Variants in DAPK1 observed in about 807,000 individuals in gnomAD.
DAPK1 encodes death associated protein kinase 1.
A neutral mutation model predicts 144.9 loss-of-function variants in DAPK1; 56 were observed. The observed-to-expected ratio is 0.39, with a 90% confidence interval of 0.31 to 0.48. The LOEUF is 0.48. Among genes scored for constraint, DAPK1 ranks in the 20% least tolerant of loss-of-function variants. The probability of loss-of-function intolerance (pLI) is 0.95; values close to 1 mark genes in which losing one functional copy is unlikely to be tolerated. For missense variants in DAPK1, 1,454 were observed against 1,875.4 expected (o/e 0.78, Z 4.15); for synonymous variants, 690 against 749.0 (o/e 0.92, Z 1.29).
At chr9:87,653,096 G>A (rs570398123) in intron 17 of DAPK1, among the ~76,000 whole-genome samples, 44 of 144,054 alleles carry the variant, frequency 3.1e-4, no homozygotes, top group African/African-American at 1.0e-3. Context: ...CCATCCCCCC[G>A]ATCCCGGGTC....
chr9:87,701,722 T>G, intron 24 of DAPK1: 1 of 30,876 alleles, frequency 3.2e-5, no homozygotes, highest in Non-Finnish European at 8.7e-5. Context: ...CTGGGTGTAT[T>G]TTTTTTTTTT....
At chr9:87,502,282 C>T (rs921761062) in intron 2 of DAPK1, among the ~76,000 whole-genome samples, 2 of 152,052 alleles carry the variant, frequency 1.3e-5, no homozygotes, top group Admixed American at 1.3e-4. Flanking sequence ...AGCAGATGCA[C>T]TTGTTATCTT....
intron 2 of DAPK1, among the ~76,000 whole-genome samples, chr9:87,561,626 A>G (rs935051485): frequency 6.6e-6 from 1 of 152,138 alleles, no homozygotes; most frequent in African/African-American, 2.4e-5. Context: ...TTAACTTCCC[A>G]TTGAATAAAG....
chr9:87,566,808 G>C (rs1827143238), intron 2 of DAPK1, among the ~76,000 whole-genome samples: 1 of 152,178 alleles, frequency 6.6e-6, no homozygotes, highest in African/African-American at 2.4e-5. Flanking sequence ...CTAACAAGCT[G>C]GTCATCTCAG....
At chr9:87,583,204 T>C (rs1827814684) in intron 2 of DAPK1, among the ~76,000 whole-genome samples, 1 of 152,142 alleles carries the variant, frequency 6.6e-6, no homozygotes, top group African/African-American at 2.4e-5. Flanking sequence ...TTATTACAGA[T>C]TCCCCCTTTA....
At chr9:87,702,983 C>A (rs1825508966) in intron 24 of DAPK1, 46 bp from the exon 25 acceptor site, 1 of 914,558 alleles carries the variant, frequency 1.1e-6, no homozygotes. Flanking sequence ...GCTCAGGGCA[C>A]CCACAGCTGC....
chr9:87,635,979 CT>C (rs560546941), intron 3 of DAPK1, among the ~76,000 whole-genome samples: 166 of 152,292 alleles, frequency 1.1e-3, no homozygotes, highest in African/African-American at 3.8e-3. Flanking sequence ...CAATCTCCCA[CT>C]TTTTCCCCCC....
At chr9:87,505,096 A>G (rs368897398) in intron 2 of DAPK1, among the ~76,000 whole-genome samples, 3 of 152,126 alleles carry the variant, frequency 2.0e-5, no homozygotes, top group African/African-American at 7.2e-5. Flanking sequence ...TTCTTTCCAG[A>G]TGATTAGGGG....
intron 2 of DAPK1, among the ~76,000 whole-genome samples, chr9:87,549,224 G>T (rs753233692): frequency 6.6e-6 from 1 of 152,042 alleles, no homozygotes; most frequent in African/African-American, 2.4e-5. Context: ...GTTTGCTGAG[G>T]ATAATGGCCT....
intron 2 of DAPK1, among the ~76,000 whole-genome samples, chr9:87,569,644 G>A (rs757404690): frequency 2.5e-4 from 38 of 152,180 alleles, no homozygotes; most frequent in Non-Finnish European, 4.7e-4. Context: ...GGAAGTGGGT[G>A]CAGAACTGGA....
chr9:87,620,626 G>GGGA lies in DAPK1; in HGVS notation c.284+15467_284+15469dup, dbSNP rs111959323. Reference sequence around the variant, plus strand: ...GAGGAGGAGGACCGGGAATAGGACAGGGAGGAGGAGGAGGAGGACTGGGAG... The same window carrying GGGA: ...GAGGAGGAGGACCGGGAATAGGACAGGGAGGAGGAGGAGGAGGAGGACTGGGAG... On this transcript the variant is annotated intron_variant, in intron 3 of 25. Transcript: ENST00000408954. 5.7e-4 allele frequency among the ~76,000 whole-genome samples: 87 copies of GGGA among 151,720 alleles called. 1 individual carries two copies. The highest frequency in any genetic ancestry group is 2.0e-3 in the African/African-American group (83 of 41,362).
chr9:87,502,196 A>C (rs1473724921), intron 2 of DAPK1, among the ~76,000 whole-genome samples: 1 of 152,034 alleles, frequency 6.6e-6, no homozygotes, highest in Non-Finnish European at 1.5e-5. Context: ...GACAGCATTC[A>C]GCCTCCACTA....
chr9:87,645,522 A>G (rs111732153), intron 11 of DAPK1, among the ~76,000 whole-genome samples: 4 of 152,200 alleles, frequency 2.6e-5, no homozygotes, highest in African/African-American at 9.6e-5. Context: ...TTCCTTATCC[A>G]GGAAGAGAGT....
intron 21 of DAPK1, among the ~76,000 whole-genome samples, chr9:87,694,745 G>A (rs1444852629): frequency 6.6e-6 from 1 of 152,220 alleles, no homozygotes; most frequent in Non-Finnish European, 1.5e-5. Context: ...GGTGGTGGCT[G>A]CAGGCAGAGA....
At chr9:87,510,107 G>T (rs530840175) in intron 2 of DAPK1, among the ~76,000 whole-genome samples, 10 of 152,168 alleles carry the variant, frequency 6.6e-5, no homozygotes, top group Non-Finnish European at 1.5e-4. Flanking sequence ...AAGTGAATTA[G>T]CACAAGTGGA....
chr9:87,538,080 C>T (rs1195272174), intron 2 of DAPK1, among the ~76,000 whole-genome samples: 2 of 152,162 alleles, frequency 1.3e-5, no homozygotes, highest in Non-Finnish European at 1.5e-5. Flanking sequence ...AAAGTTAAAG[C>T]TACAATCTCA....
chr9:87,592,273 C>T (rs944643807), intron 2 of DAPK1, among the ~76,000 whole-genome samples: 2 of 152,226 alleles, frequency 1.3e-5, no homozygotes, highest in African/African-American at 2.4e-5. Context: ...CCCACCCAAC[C>T]ACAGCATGGG....
In DAPK1 at chr9:87,668,395, G is replaced by T. The variant is rs36216394; in HGVS notation, c.1924-202G>T. On this transcript the variant is annotated intron_variant, in intron 18 of 25. Transcript: ENST00000408954. Reference sequence around the variant, plus strand: ...ACACCAACATGTGCTTTGTTCCTGCGTCTTACCTTCCTGTCCTGGACAATC... The same window carrying T: ...ACACCAACATGTGCTTTGTTCCTGCTTCTTACCTTCCTGTCCTGGACAATC... 0.047 allele frequency: 26,670 copies of T among 572,168 alleles called. 851 individuals carry two copies. Among genetic ancestry groups the T allele is most frequent in the East Asian group, 0.13 (4,508 of 34,408 alleles). The allele number at this position is 572,168 out of a possible 1,614,324, so 35.4% of individuals were successfully genotyped here. A position where few individuals can be genotyped will look rare whatever the true frequency, so the allele number is the denominator to read the frequency against.
chr9:87,666,464 T>C (rs564567071), intron 18 of DAPK1, among the ~76,000 whole-genome samples: 7 of 144,046 alleles, frequency 4.9e-5, no homozygotes, highest in Non-Finnish European at 1.0e-4. Context: ...TATATATATA[T>C]GTTTTTGTTT....
Sources: gnomAD v4.1 joint callset for allele counts (sites outside exome capture counted in the v4.1 genomes callset) on GRCh38, gnomAD v4.1.1 for gene constraint, MANE v1.5 for transcripts, NCBI Gene and HGNC (gene_info 2026-07-23, HGNC 2026-07-21) for gene names.